Variants in WDR17 observed in about 807,000 individuals in gnomAD.
WDR17 encodes the protein WD repeat domain 17, also known as WD repeat-containing protein 17.
Under a neutral mutation model 161.7 loss-of-function variants are expected in WDR17, and 143 were observed. The observed-to-expected ratio is 0.88, with a 90% CI of 0.77 to 1.02. The LOEUF is 1.02. Among genes scored for constraint, WDR17 ranks in the 50% least tolerant of loss-of-function variants. WDR17 has a pLI of 0.00. For missense variants in WDR17, 1,469 were observed against 1,520.9 expected (o/e 0.97, Z 0.57); for synonymous variants, 517 against 515.6 (o/e 1.00, Z -0.04).
rs550057039 is a variant in WDR17, at chr4:176,100,900, T to C, written c.-6-10675T>C. On this transcript the variant is annotated intron_variant, in intron 1 of 28. Coordinates refer to ENST00000508596, the MANE Select transcript of WDR17 (RefSeq NM_181265.4). ...GTTAAAGATCAATTCACTGTAGATATGTGGCTTTATTTCTGGGATCTCTAT... is the reference window on the plus strand; with the variant it reads ...GTTAAAGATCAATTCACTGTAGATACGTGGCTTTATTTCTGGGATCTCTAT... 2.0e-5 allele frequency among the ~76,000 whole-genome samples: 3 copies of C among 152,284 alleles called. No homozygotes were observed. The East Asian group carries it at 5.8e-4, about 29-fold the overall frequency.
intron 11 of WDR17, 131 bp downstream of exon 11, chr4:176,142,200 A>G (rs1023256059): frequency 3.7e-6 from 2 of 543,964 alleles, no homozygotes; most frequent in Admixed American, 3.4e-5. Context: ...TGCCTAGCAA[A>G]TGAGAAACAG....
intron 1 of WDR17, among the ~76,000 whole-genome samples, chr4:176,067,789 G>A (rs1231804317): frequency 6.6e-6 from 1 of 152,216 alleles, no homozygotes; most frequent in African/African-American, 2.4e-5. Flanking sequence ...TCTGGGAAAG[G>A]AGGGACAGGG....
chr4:176,148,366 G>A (rs373408479), intron 13 of WDR17, 31 bp downstream of exon 13: 1 of 1,581,834 alleles, frequency 6.3e-7, no homozygotes, highest in Non-Finnish European at 8.7e-7. Context: ...TCATGTATTT[G>A]TTATATTGAC....
intron 1 of WDR17, among the ~76,000 whole-genome samples, chr4:176,068,957 A>C (rs936185917): frequency 1.3e-5 from 2 of 152,202 alleles, no homozygotes; most frequent in African/African-American, 4.8e-5. Flanking sequence ...TGGTAATAAA[A>C]ATTGGTAGAA....
At chr4:176,113,730 G>T (rs1309257078) in intron 2 of WDR17, among the ~76,000 whole-genome samples, 2 of 151,928 alleles carry the variant, frequency 1.3e-5, no homozygotes, top group African/African-American at 2.4e-5. Flanking sequence ...ATAACACTTA[G>T]TGCCAATGTG....
At position 176,125,287 on chromosome 4, in the gene WDR17, C is replaced by G; in HGVS notation, c.722C>G (p.Pro241Arg). 1 of 1,614,098 alleles carries G rather than the reference C, an allele frequency of 6.2e-7. No individual in the cohort carries two copies. Among genetic ancestry groups the G allele is most frequent in the Non-Finnish European group, 8.5e-7 (1 of 1,180,016 alleles). The change falls in exon 5 of 29, where the codon CCC becomes CGC. Residue 241 changes from proline to arginine, a missense_variant. Transcript: ENST00000508596. ...SLSCITTFNL[P>R]SAAASVQCLA... ...TCTTGCATAACAACATTTAATCTTC[C>G]CAGTGCAGCAGCTTCTGTACAGTGC...
intron 28 of WDR17, 103 bp downstream of exon 28, chr4:176,177,757 T>C: frequency 8.3e-7 from 1 of 1,202,084 alleles, no homozygotes; most frequent in Non-Finnish European, 1.1e-6. Context: ...GTAGGTAATT[T>C]AGGACTGGGG....
intron 1 of WDR17, among the ~76,000 whole-genome samples, chr4:176,081,277 A>ACAG (rs1309228422): frequency 6.6e-6 from 1 of 152,140 alleles, no homozygotes; most frequent in Non-Finnish European, 1.5e-5. Context: ...AGTAAAATTC[A>ACAG]CAGTTCTTAC....
At chr4:176,174,987 C>T (rs1281750219) in intron 26 of WDR17, among the ~76,000 whole-genome samples, 3 of 152,160 alleles carry the variant, frequency 2.0e-5, no homozygotes, top group Non-Finnish European at 2.9e-5. Context: ...CTTTTACTGC[C>T]GTGCAGTGAT....
chr4:176,071,654 T>C (rs1733267016), intron 1 of WDR17, among the ~76,000 whole-genome samples: 1 of 152,180 alleles, frequency 6.6e-6, no homozygotes, highest in Admixed American at 6.5e-5. Context: ...TCTCTCAGAA[T>C]GGTCACAATG....
chr4:176,179,592 G>T lies in WDR17; in HGVS notation c.*13G>T. The T allele has an allele frequency of 2.0e-6, 3 of 1,530,448 alleles. No homozygotes were observed. The highest frequency in any genetic ancestry group is 1.3e-5 in the South Asian group (1 of 76,440). 94.8% of individuals were successfully genotyped at this position (1,530,448 alleles called of 1,614,324 possible). ...CAATCCATTCTGATAGAAGATTTTT[G>T]TCCATGCTTGATTTTTTTTTTTAAA... On this transcript the variant is annotated 3_prime_UTR_variant, in exon 29 of 29. Coordinates refer to ENST00000508596, the MANE Select transcript of WDR17 (RefSeq NM_181265.4).
chr4:176,116,850 T>C (rs1334226819), intron 3 of WDR17, among the ~76,000 whole-genome samples: 1 of 151,896 alleles, frequency 6.6e-6, no homozygotes, highest in Non-Finnish European at 1.5e-5. Context: ...ATATTTGATA[T>C]TTTTAGTATT....
intron 1 of WDR17, among the ~76,000 whole-genome samples, chr4:176,102,681 T>G (rs1234986910): frequency 8.5e-5 from 13 of 152,190 alleles, no homozygotes; most frequent in Non-Finnish European, 1.9e-4. Flanking sequence ...AATGAGCCAT[T>G]AAGCCATGAA....
At chr4:176,123,941 AC>A (rs1742016688) in intron 4 of WDR17, among the ~76,000 whole-genome samples, 1 of 152,136 alleles carries the variant, frequency 6.6e-6, no homozygotes, top group Admixed American at 6.5e-5. Context: ...TACCTAGTCA[AC>A]TCATTAGCAT....
At chr4:176,070,653 A>G (rs988997520) in intron 1 of WDR17, among the ~76,000 whole-genome samples, 1 of 150,860 alleles carries the variant, frequency 6.6e-6, no homozygotes, top group African/African-American at 2.4e-5. Context: ...AGCTGGGACT[A>G]CAGGCACGCA....
chr4:176,135,659 G>A lies in WDR17; in HGVS notation c.1267+383G>A, dbSNP rs956299398. ...TTATATATCAAGTAACAGTTCACTTGTAACCATGTAATTCTGTATTAACTC... is the reference window on the plus strand; with the variant it reads ...TTATATATCAAGTAACAGTTCACTTATAACCATGTAATTCTGTATTAACTC... On this transcript the variant is annotated intron_variant, in intron 8 of 28. Coordinates refer to ENST00000508596, the MANE Select transcript of WDR17 (RefSeq NM_181265.4). 2.0e-5 allele frequency among the ~76,000 whole-genome samples: 3 copies of A among 151,696 alleles called. No homozygotes were observed. In the East Asian group the frequency reaches 5.8e-4, roughly 29 times the overall value.
intron 16 of WDR17, among the ~76,000 whole-genome samples, chr4:176,151,351 G>T (rs1358913475): frequency 1.3e-5 from 2 of 151,700 alleles, no homozygotes; most frequent in Non-Finnish European, 2.9e-5. Context: ...ACCTGGAGAG[G>T]GTTAAGAACA....
chr4:176,149,049 A>G (rs1409633326), intron 13 of WDR17, among the ~76,000 whole-genome samples: 2 of 152,146 alleles, frequency 1.3e-5, no homozygotes, highest in East Asian at 1.9e-4. Context: ...GGAGAGAATC[A>G]TATTTGTTGA....
At position 176,135,302 on chromosome 4, in the gene WDR17, G is replaced by A. The variant is rs928920853; in HGVS notation, c.1267+26G>A. The A allele has an allele frequency of 6.8e-6, 11 of 1,607,750 alleles. No individual in the cohort carries two copies. The Admixed American group carries it at 1.0e-4, about 15-fold the overall frequency. On this transcript the variant is annotated intron_variant, in intron 8 of 28. Transcript: ENST00000508596. ...GTAAGAGATATTTTATTGAAATTAG[G>A]AATACAATGAAATGGCTTTTTAAAG...
Sources: allele counts gnomAD v4.1 joint callset (sites outside exome capture counted in the v4.1 genomes callset), GRCh38; gene constraint gnomAD v4.1.1; transcripts MANE v1.5; gene names NCBI Gene and HGNC (gene_info 2026-07-23, HGNC 2026-07-21).